The following TTC28 variants were observed in gnomAD, a reference collection of about 807,000 sequenced individuals.
TTC28 encodes the protein tetratricopeptide repeat protein 28.
In TTC28, 61 loss-of-function variants were observed where a neutral mutation model predicts 198.0. The observed-to-expected ratio is 0.31, with a 90% CI of 0.25 to 0.38. The LOEUF is 0.38. Ranked by LOEUF, TTC28 falls within the 10% of genes least tolerant of loss-of-function variation. The pLI is 1.00. For missense variants in TTC28, 2,678 were observed against 3,164.0 expected (o/e 0.85, Z 3.69); for synonymous variants, 1,171 against 1,297.8 (o/e 0.90, Z 2.10).
At chr22:28,332,315 A>G (rs1033479109) in intron 2 of TTC28, among the ~76,000 whole-genome samples, 1 of 152,026 alleles carries the variant, frequency 6.6e-6, no homozygotes, top group Non-Finnish European at 1.5e-5. Flanking sequence ...ATCTTATGTA[A>G]AGAATCCTTG....
intron 2 of TTC28, among the ~76,000 whole-genome samples, chr22:28,444,730 C>G (rs1194635750): frequency 6.6e-6 from 1 of 152,118 alleles, no homozygotes; most frequent in African/African-American, 2.4e-5. Context: ...GAGCTTATGC[C>G]TTTTCTAGGA....
At chr22:28,486,101 G>T (rs1258083551) in intron 2 of TTC28, among the ~76,000 whole-genome samples, 1 of 151,924 alleles carries the variant, frequency 6.6e-6, no homozygotes, top group Non-Finnish European at 1.5e-5. Context: ...AAAGGGCATT[G>T]GTACCTGTGA....
At chr22:28,133,387 G>T (rs182808425) in intron 6 of TTC28, among the ~76,000 whole-genome samples, 41 of 152,238 alleles carry the variant, frequency 2.7e-4, no homozygotes, top group African/African-American at 9.6e-4. Context: ...GCAGCCCACC[G>T]GGCGTGAGCT....
rs924423939 is a variant in TTC28, at chr22:28,297,563, G to A, written c.802+17C>T. ...TTTGTTCCCTTTCTGCACTGAAATA[G>A]AGAAGCATCACTCTACCTAAGGTCT... On this transcript the variant is annotated intron_variant, in intron 4 of 22. Transcript: ENST00000397906. 3 of 1,541,646 alleles carry A rather than the reference G, an allele frequency of 1.9e-6. No homozygotes were observed. Among genetic ancestry groups the A allele is most frequent in the South Asian group, 1.2e-5 (1 of 83,782 alleles).
chr22:28,573,095 C>G (rs2050088336), intron 2 of TTC28, among the ~76,000 whole-genome samples: 1 of 148,778 alleles, frequency 6.7e-6, no homozygotes. Context: ...GCACTCCAGC[C>G]TGGGTGACAG....
At position 27,983,095 on chromosome 22, in the gene TTC28, T is replaced by G; in HGVS notation, c.6572A>C (p.Asn2191Thr). The change falls in exon 23 of 23, where the codon AAT (asparagine) becomes ACT (threonine). Residue 2191 changes from asparagine to threonine, a missense_variant. By Grantham distance (65) the Asn-to-Thr change is moderately conservative. Around this residue, in one of 8 missense-constraint regions of TTC28, gnomAD observed 622 missense variants for 656.0 expected, o/e 0.95. Coordinates refer to ENST00000397906, the MANE Select transcript of TTC28 (RefSeq NM_001145418.2). ...CGCCTGAACGCCGTCTTCAGGGTTA[T>G]TACTCTTGCTCACCTGGCCGCCGCT... is the stretch of plus-strand genomic sequence containing the variant. Reference protein sequence around the residue: ...QRSGGQVSKSNNPEDGVQAPS... With the variant: ...QRSGGQVSKSTNPEDGVQAPS... The G allele has an allele frequency of 6.4e-7, 1 of 1,551,746 alleles. No individual in the cohort carries two copies. Among genetic ancestry groups the G allele is most frequent in the Non-Finnish European group, 8.7e-7 (1 of 1,147,010 alleles).
At chr22:28,559,368 G>T (rs932827542) in intron 2 of TTC28, among the ~76,000 whole-genome samples, 3 of 152,168 alleles carry the variant, frequency 2.0e-5, no homozygotes, top group Non-Finnish European at 4.4e-5. Context: ...AGTAACTTCA[G>T]TTTTTTATTT....
At position 27,982,083 on chromosome 22, in the gene TTC28, G is replaced by C. The variant is rs1357905686; in HGVS notation, c.*138C>G. 1.1e-6 allele frequency: 1 copy of C among 878,564 alleles called. No homozygotes were observed. The highest frequency in any genetic ancestry group is 2.8e-5 in the East Asian group (1 of 35,208). 54.4% of individuals were successfully genotyped at this position (878,564 alleles called of 1,614,324 possible). ...AGTGTGTGTGGCAGCCTTTGGACGT[G>C]GTGGTGCCCCTCGCCTGCAGAGCAC... On this transcript the variant is annotated 3_prime_UTR_variant, in exon 23 of 23. Coordinates refer to ENST00000397906, the MANE Select transcript of TTC28 (RefSeq NM_001145418.2). The surrounding 1 kb of genome is among the most constrained non-coding windows in gnomAD (Gnocchi z 5.2).
intron 12 of TTC28, among the ~76,000 whole-genome samples, chr22:28,086,736 G>T (rs957225213): frequency 1.3e-5 from 2 of 152,044 alleles, no homozygotes; most frequent in Non-Finnish European, 2.9e-5. Flanking sequence ...CTGGTTTTTT[G>T]AAAGGATCAA....
At chr22:28,578,231 T>A (rs1207096995) in intron 2 of TTC28, among the ~76,000 whole-genome samples, 2 of 152,132 alleles carry the variant, frequency 1.3e-5, no homozygotes, top group African/African-American at 4.8e-5. Context: ...TACAAATAAA[T>A]AAGCAAAGAG....
At chr22:28,171,599 G>A (rs1156482541) in intron 5 of TTC28, among the ~76,000 whole-genome samples, 1 of 147,502 alleles carries the variant, frequency 6.8e-6, no homozygotes, top group Non-Finnish European at 1.5e-5. Context: ...TTTTTTAAAC[G>A]GTGCTTGCAA....
intron 5 of TTC28, among the ~76,000 whole-genome samples, chr22:28,276,023 T>C (rs914121466): frequency 8.1e-5 from 12 of 148,270 alleles, no homozygotes; most frequent in African/African-American, 3.0e-4. Flanking sequence ...TTTTTTTTTC[T>C]TTTTTTTTTA....
At chr22:28,443,883 G>GA (rs1337027707) in intron 2 of TTC28, among the ~76,000 whole-genome samples, 12 of 151,218 alleles carry the variant, frequency 7.9e-5, no homozygotes, top group Non-Finnish European at 1.2e-4. Context: ...TATATCTAGA[G>GA]AAAAAAAAGG....
chr22:28,322,844 C>A (rs993892960), intron 2 of TTC28, among the ~76,000 whole-genome samples: 28 of 152,186 alleles, frequency 1.8e-4, no homozygotes, highest in South Asian at 1.0e-3. Flanking sequence ...TCTGGATCCT[C>A]CAGAGAAGAA....
intron 5 of TTC28, among the ~76,000 whole-genome samples, chr22:28,169,435 T>C (rs994044698): frequency 1.3e-5 from 2 of 152,054 alleles, no homozygotes; most frequent in Admixed American, 6.5e-5. Context: ...TGTCCAACAA[T>C]GATAGACTGG....
intron 13 of TTC28, among the ~76,000 whole-genome samples, chr22:28,028,146 AAG>A (rs1187470230): frequency 2.0e-5 from 3 of 152,178 alleles, no homozygotes; most frequent in African/African-American, 7.2e-5. Context: ...TCGGGGTTGG[AAG>A]AGTCTGCAGA....
At position 28,005,604 on chromosome 22, in the gene TTC28, C is replaced by A. The variant is rs1937901156; in HGVS notation, c.4219-4051G>T. ...CTGGGTCAGTGGTGGGTGAGGACAT[C>A]CAGAGGGGCCTGCCCAGCCACGGGC... On this transcript the variant is annotated intron_variant, in intron 14 of 22. Transcript: ENST00000397906. This position sits in a 1 kb window ranked among gnomAD's most constrained non-coding sequence, Gnocchi z 4.9. Among the ~76,000 whole-genome samples the A allele has an allele frequency of 6.6e-6, 1 of 152,190 alleles. No homozygotes were observed. The highest frequency in any genetic ancestry group is 2.1e-4 in the South Asian group (1 of 4,834).
intron 2 of TTC28, among the ~76,000 whole-genome samples, chr22:28,331,013 T>C (rs1431955195): frequency 6.6e-6 from 1 of 152,196 alleles, no homozygotes; most frequent in African/African-American, 2.4e-5. Flanking sequence ...CCAATTCTAA[T>C]GGCCTAGTTC....
chr22:28,455,585 A>G (rs1369704792), intron 2 of TTC28, among the ~76,000 whole-genome samples: 2 of 152,026 alleles, frequency 1.3e-5, no homozygotes, highest in East Asian at 3.9e-4. Flanking sequence ...TGGCCTGTGC[A>G]TGTCTGTAAT....
Sources: allele counts gnomAD v4.1 joint callset (sites outside exome capture counted in the v4.1 genomes callset), GRCh38; gene constraint gnomAD v4.1.1; regional missense constraint gnomAD v4.1.1; non-coding constraint Gnocchi (gnomAD v3.1); transcripts MANE v1.5; gene names NCBI Gene and HGNC (gene_info 2026-07-23, HGNC 2026-07-21).